The following ADTRP variants were observed in gnomAD, a reference collection of about 807,000 sequenced individuals.
The protein encoded by ADTRP is androgen-dependent TFPI-regulating protein.
ADTRP carries 20 observed loss-of-function variants against 27.0 expected under a neutral mutation model. That is an observed-to-expected ratio of 0.74 (90% CI 0.52 to 1.08). The LOEUF (loss-of-function observed/expected upper bound fraction) is 1.08, where lower values mean the gene tolerates loss of function less well. ADTRP is among the 50% of genes least tolerant of loss of function. The pLI, the probability that ADTRP is intolerant of heterozygous loss-of-function variation, is 0.00. For missense variants in ADTRP, 251 were observed against 275.0 expected, an observed-to-expected ratio of 0.91 and a Z score of 0.62; for synonymous variants, 101 against 105.2, an observed-to-expected ratio of 0.96 and a Z score of 0.25.
chr6:11,731,538 T>G (rs1762379221), intron 4 of ADTRP, among the ~76,000 whole-genome samples: 1 of 152,198 alleles, frequency 6.6e-6, no homozygotes, highest in Admixed American at 6.5e-5. Flanking sequence ...ATTAGTCTCT[T>G]TCACAAACAG....
At chr6:11,761,706 T>C (rs1763394365) in intron 3 of ADTRP, among the ~76,000 whole-genome samples, 1 of 152,150 alleles carries the variant, frequency 6.6e-6, no homozygotes, top group African/African-American at 2.4e-5. Flanking sequence ...GTATGTTCAG[T>C]TATGTCAGGT....
At chr6:11,742,499 A>C (rs1762750216) in intron 3 of ADTRP, among the ~76,000 whole-genome samples, 1 of 152,242 alleles carries the variant, frequency 6.6e-6, no homozygotes. Flanking sequence ...ATTCAAGTTT[A>C]GCAATATGTT....
chr6:11,770,192 C>G (rs45538938), intron 1 of ADTRP: 128,070 of 1,057,504 alleles, frequency 0.12, 8,527 homozygotes, highest in African/African-American at 0.18. Flanking sequence ...GGAGAATGAA[C>G]GACCACTTCA....
At chr6:11,748,916 G>T (rs1581344776) in intron 3 of ADTRP, among the ~76,000 whole-genome samples, 1 of 152,242 alleles carries the variant, frequency 6.6e-6, no homozygotes, top group African/African-American at 2.4e-5. Flanking sequence ...ACCAGGTTTT[G>T]TTGGCCATAG....
At chr6:11,735,718 G>A (rs778646841) in intron 3 of ADTRP, 35 bp from the exon 4 acceptor site, 2 of 1,425,918 alleles carry the variant, frequency 1.4e-6, no homozygotes, top group South Asian at 2.3e-5. Context: ...AGAATGGCAG[G>A]GTGTCCAGGG....
intron 3 of ADTRP, among the ~76,000 whole-genome samples, chr6:11,764,868 T>G (rs1297105969): frequency 3.4e-5 from 5 of 145,808 alleles, no homozygotes; most frequent in Non-Finnish European, 6.0e-5. Context: ...AAAAACATGC[T>G]TTGGACAATA....
chr6:11,727,057 C>G (rs1026640663), intron 4 of ADTRP, among the ~76,000 whole-genome samples: 1 of 152,170 alleles, frequency 6.6e-6, no homozygotes. Context: ...GAGTCTCACT[C>G]TGTTGCTCAG....
intron 5 of ADTRP, among the ~76,000 whole-genome samples, chr6:11,719,135 C>T (rs1479812154): frequency 6.6e-6 from 1 of 152,132 alleles, no homozygotes; most frequent in African/African-American, 2.4e-5. Flanking sequence ...CCACACTGCA[C>T]AAGGATGCCG....
Position 11,766,295 on chromosome 6 carries a change from G to C in ADTRP, c.369C>G (p.Pro123=). 6.2e-7 allele frequency: 1 copy of C among 1,611,652 alleles called. No homozygotes were observed. Among genetic ancestry groups the C allele is most frequent in the Non-Finnish European group, 8.5e-7 (1 of 1,178,706 alleles). Residue 123 remains proline (P), a synonymous_variant, in exon 3 of 6, where the codon CCC becomes CCG. Coordinates refer to ENST00000414691, the MANE Select transcript of ADTRP (RefSeq NM_032744.4). ...TCACCATTGCATGATTCAGCCACACGGGGATGACAGTATCTAGGACCTTGG... is the reference window on the plus strand; with the variant it reads ...TCACCATTGCATGATTCAGCCACACCGGGATGACAGTATCTAGGACCTTGG... ...IYPKVLDTVI[P]VWLNHAMHTF...
chr6:11,767,830 GT>G (rs1427327653), intron 2 of ADTRP: 1 of 155,306 alleles, frequency 6.4e-6, no homozygotes, highest in Non-Finnish European at 1.4e-5. Flanking sequence ...TTATTTGATG[GT>G]TTTCCACTTG....
intron 5 of ADTRP, among the ~76,000 whole-genome samples, chr6:11,718,868 G>A (rs143035535): frequency 2.3e-3 from 357 of 152,280 alleles, no homozygotes; most frequent in African/African-American, 8.1e-3. Context: ...ACCTTCCTGT[G>A]GGCCATGACA....
Position 11,771,073 on chromosome 6 carries a change from C to T in ADTRP, c.154-2690G>A, listed in dbSNP as rs189066854. Among the ~76,000 whole-genome samples the T allele has an allele frequency of 3.3e-5, 5 of 152,340 alleles. No individual in the cohort carries two copies. The East Asian group carries it at 9.7e-4, about 29-fold the overall frequency. On this transcript the variant is annotated intron_variant, in intron 1 of 5. Coordinates refer to ENST00000414691, the MANE Select transcript of ADTRP (RefSeq NM_032744.4). The stretch of plus-strand genomic sequence containing the variant: ...GAGTCAAGCTCCTCCTGACTTTCTC[C>T]TGCCTCTCCCAGTCACAGGATGTGG...
chr6:11,759,051 C>T (rs549510927), intron 3 of ADTRP, among the ~76,000 whole-genome samples: 1 of 152,296 alleles, frequency 6.6e-6, no homozygotes, highest in East Asian at 1.9e-4. Context: ...GAAGGGCAAT[C>T]CTGCTCACCT....
intron 3 of ADTRP, among the ~76,000 whole-genome samples, chr6:11,751,864 A>AT (rs879392640): frequency 6.6e-6 from 1 of 152,212 alleles, no homozygotes; most frequent in Non-Finnish European, 1.5e-5. Flanking sequence ...CTTTGGAGCT[A>AT]TTATTCCATC....
At chr6:11,752,129 T>G (rs1321561348) in intron 3 of ADTRP, among the ~76,000 whole-genome samples, 3 of 152,224 alleles carry the variant, frequency 2.0e-5, no homozygotes, top group Non-Finnish European at 4.4e-5. Context: ...TCCCTTCAAA[T>G]ATTGCCTTTA....
chr6:11,719,790 C>T (rs932343), intron 5 of ADTRP, among the ~76,000 whole-genome samples: 70,770 of 152,048 alleles, frequency 0.47, 18,086 homozygotes, highest in Non-Finnish European at 0.59. Context: ...CGTCTGCTAT[C>T]GGGTAGCTGT....
chr6:11,740,794 C>A (rs543249123), intron 3 of ADTRP, among the ~76,000 whole-genome samples: 4 of 152,276 alleles, frequency 2.6e-5, no homozygotes, highest in Admixed American at 6.5e-5. Flanking sequence ...AAAGCAGAGA[C>A]CATCTGTATT....
chr6:11,735,757 C>A (rs946327437), intron 3 of ADTRP, 74 bp from the exon 4 acceptor site: 4 of 983,950 alleles, frequency 4.1e-6, no homozygotes, highest in Non-Finnish European at 6.4e-6. Context: ...TTCTCTGTTC[C>A]CCTTCCAGTC....
intron 3 of ADTRP, among the ~76,000 whole-genome samples, chr6:11,762,568 T>G (rs1235671641): frequency 6.6e-6 from 1 of 152,250 alleles, no homozygotes; most frequent in Non-Finnish European, 1.5e-5. Flanking sequence ...GCAGATTGTT[T>G]TGAAACCCCC....
Sources: gnomAD v4.1 joint callset for allele counts (sites outside exome capture counted in the v4.1 genomes callset) on GRCh38, gnomAD v4.1.1 for gene constraint, MANE v1.5 for transcripts, NCBI Gene and HGNC (gene_info 2026-07-23, HGNC 2026-07-21) for gene names.